JAKMIP3: variants seen among roughly 807,000 people sequenced by gnomAD.
The protein encoded by JAKMIP3 is janus kinase and microtubule-interacting protein 3.
Under a neutral mutation model 118.5 loss-of-function variants are expected in JAKMIP3, and 58 were observed. That is an observed-to-expected ratio of 0.49 (90% CI 0.40 to 0.61). JAKMIP3 has a LOEUF of 0.61. JAKMIP3 is among the 20% of genes least tolerant of loss of function. JAKMIP3 has a pLI of 0.00. For missense variants in JAKMIP3, 950 were observed against 1,109.0 expected (o/e 0.86, Z 2.04); for synonymous variants, 486 against 451.2 (o/e 1.08, Z -0.98).
intron 3 of JAKMIP3, among the ~76,000 whole-genome samples, chr10:132,125,466 C>T (rs1296657043): frequency 1.3e-5 from 2 of 152,252 alleles, no homozygotes; most frequent in African/African-American, 2.4e-5. Context: ...GTCTTAGTTC[C>T]GACACTCTAA....
At chr10:132,045,300 G>C (rs1360875925) in intron 1 of JAKMIP3, among the ~76,000 whole-genome samples, 1 of 152,110 alleles carries the variant, frequency 6.6e-6, no homozygotes, top group Non-Finnish European at 1.5e-5. Flanking sequence ...ATGCTTGTTG[G>C]CTGCCTGGAT....
chr10:132,164,589 G>T, intron 20 of JAKMIP3, 81 bp from the exon 21 acceptor site: 2 of 945,106 alleles, frequency 2.1e-6, no homozygotes, highest in East Asian at 2.5e-5. Flanking sequence ...CTGTTACCAA[G>T]GAAATGAATG....
chr10:132,045,349 G>A (rs1338935303), intron 1 of JAKMIP3, among the ~76,000 whole-genome samples: 2 of 152,114 alleles, frequency 1.3e-5, no homozygotes, highest in African/African-American at 4.8e-5. Context: ...TTTTGGGCGC[G>A]TCTCTGTCTC....
At chr10:132,135,816 G>A in intron 5 of JAKMIP3, 114 bp from the exon 6 acceptor site, 2 of 1,156,482 alleles carry the variant, frequency 1.7e-6, no homozygotes, top group Non-Finnish European at 2.4e-6. Context: ...CCCAAGTAGA[G>A]GGCTGGGGAC....
intron 11 of JAKMIP3, among the ~76,000 whole-genome samples, chr10:132,142,770 G>A (rs1230094061): frequency 1.3e-5 from 2 of 152,188 alleles, no homozygotes; most frequent in Admixed American, 6.5e-5. Context: ...ACAGCGAGAC[G>A]GGCTGCTTTC....
At chr10:132,115,123 A>G (rs908178012) in intron 2 of JAKMIP3, among the ~76,000 whole-genome samples, 2 of 152,296 alleles carry the variant, frequency 1.3e-5, no homozygotes, top group Non-Finnish European at 2.9e-5. Context: ...CCAAATGCCT[A>G]TCTGTTCAAA....
rs1168864752 is a variant in JAKMIP3, at chr10:132,117,945, A to C, written c.633+371A>C. On this transcript the variant is annotated intron_variant, in intron 3 of 23. Transcript: ENST00000684848. This position sits in a 1 kb window ranked among gnomAD's most constrained non-coding sequence, Gnocchi z 8.6. ...GCAGGGTTCACGGACATCTCTTCTT[A>C]GTGTCCCGGGTCACACCTGACACCA... 6.6e-6 allele frequency among the ~76,000 whole-genome samples: 1 copy of C among 152,102 alleles called. No homozygotes were observed. The highest frequency in any genetic ancestry group is 1.5e-5 in the Non-Finnish European group (1 of 68,006).
At chr10:132,090,560 C>G (rs905416751) in intron 1 of JAKMIP3, among the ~76,000 whole-genome samples, 1 of 152,056 alleles carries the variant, frequency 6.6e-6, no homozygotes, top group Non-Finnish European at 1.5e-5. Context: ...GGTGATAACC[C>G]CTTTATCATT....
chr10:132,172,095 TA>T (rs1304724112), intron 23 of JAKMIP3, among the ~76,000 whole-genome samples: 3 of 152,220 alleles, frequency 2.0e-5, no homozygotes, highest in Admixed American at 6.5e-5. Context: ...CCTGTCTCTG[TA>T]GTGCCTGCCA....
At chr10:132,178,592 TGTGGGGCG>T (rs2060405208) in intron 23 of JAKMIP3, among the ~76,000 whole-genome samples, 1 of 152,208 alleles carries the variant, frequency 6.6e-6, no homozygotes, top group South Asian at 2.1e-4. Flanking sequence ...TCTGTGTATT[TGTGGGGCG>T]GTGTTGGGGA....
At chr10:132,064,692 C>T (rs1334960810), upstream of JAKMIP3, among the ~76,000 whole-genome samples, 5 of 152,170 alleles carry the variant, frequency 3.3e-5, no homozygotes, top group Admixed American at 1.3e-4. The surrounding 1 kb of genome is among the most constrained non-coding windows in gnomAD (Gnocchi z 4.4). Context: ...GTTGCATCAC[C>T]CTGGACGTTT....
intron 1 of JAKMIP3, among the ~76,000 whole-genome samples, chr10:132,078,005 T>G (rs553957878): frequency 1.3e-5 from 2 of 152,290 alleles, no homozygotes; most frequent in East Asian, 3.9e-4. Flanking sequence ...AGAGACGGGG[T>G]TTCACTATGT....
intron 1 of JAKMIP3, among the ~76,000 whole-genome samples, chr10:132,040,871 T>C (rs906669288): frequency 1.3e-5 from 2 of 152,194 alleles, no homozygotes; most frequent in African/African-American, 2.4e-5. Context: ...GAAGCCTCCC[T>C]TCCAGTCTTT....
chr10:132,136,677 T>C (rs545380962), intron 6 of JAKMIP3, among the ~76,000 whole-genome samples: 4 of 152,110 alleles, frequency 2.6e-5, no homozygotes, highest in Admixed American at 2.6e-4. Flanking sequence ...TCAGGAGGGA[T>C]TTGGGAGAGG....
chr10:132,149,384 G>A (rs373816287), intron 14 of JAKMIP3, 28 bp from the exon 15 acceptor site: 127 of 1,453,004 alleles, frequency 8.7e-5, no homozygotes, highest in Non-Finnish European at 1.0e-4. Context: ...GGAGGGGAGC[G>A]GCTCACCCTT....
At chr10:132,054,304 CT>C (rs1176937031) in intron 1 of JAKMIP3, among the ~76,000 whole-genome samples, 1 of 152,082 alleles carries the variant, frequency 6.6e-6, no homozygotes, top group Non-Finnish European at 1.5e-5. Context: ...TGGGTACCCT[CT>C]TTTTTTCCCC....
chr10:132,069,039 C>G (rs1391160906), intron 1 of JAKMIP3, among the ~76,000 whole-genome samples: 1 of 152,128 alleles, frequency 6.6e-6, no homozygotes, highest in East Asian at 1.9e-4. Flanking sequence ...TCGAGGGGAG[C>G]GCCTTTAGCT....
intron 1 of JAKMIP3, among the ~76,000 whole-genome samples, chr10:132,098,206 C>T (rs1049287297): frequency 6.6e-6 from 1 of 151,572 alleles, no homozygotes; most frequent in Non-Finnish European, 1.5e-5. Flanking sequence ...TTATTTGTTG[C>T]AGAGATGGGG....
rs576783601 is a variant in JAKMIP3, at chr10:132,097,462, G to C, written c.-137-7210G>C. Among the ~76,000 whole-genome samples the C allele has an allele frequency of 2.7e-5, 4 of 147,916 alleles. No homozygotes were observed. The South Asian group carries it at 9.0e-4, about 33-fold the overall frequency. ...ACGGACTCTCGGGAGGTCGCCTACTGTATGACTTCATTTCTATAACATTTC... is the reference window on the plus strand; with the variant it reads ...ACGGACTCTCGGGAGGTCGCCTACTCTATGACTTCATTTCTATAACATTTC... On this transcript the variant is annotated intron_variant, in intron 1 of 23. Transcript: ENST00000684848.
Sources: allele counts gnomAD v4.1 joint callset (sites outside exome capture counted in the v4.1 genomes callset), GRCh38; gene constraint gnomAD v4.1.1; non-coding constraint Gnocchi (gnomAD v3.1); transcripts MANE v1.5; gene names NCBI Gene and HGNC (gene_info 2026-07-23, HGNC 2026-07-21).